SPEN: variants seen among roughly 807,000 people sequenced by gnomAD.
SPEN encodes spen family transcriptional repressor.
SPEN carries 18 observed loss-of-function variants against 269.9 expected under a neutral mutation model. The observed-to-expected ratio is 0.07, with a 90% CI of 0.05 to 0.10. SPEN has a LOEUF of 0.10. Ranked by LOEUF, SPEN falls within the 10% of genes least tolerant of loss-of-function variation. SPEN has a pLI of 1.00. For missense variants in SPEN, 3,822 were observed against 4,631.2 expected (o/e 0.83, Z 5.07); for synonymous variants, 1,726 against 1,765.7 (o/e 0.98, Z 0.56).
At position 15,936,062 on chromosome 1, in the gene SPEN, C is replaced by T. The variant is rs761021694; in HGVS notation, c.9822C>T (p.Pro3274=). 54 of 1,594,260 alleles carry T rather than the reference C, an allele frequency of 3.4e-5. No individual in the cohort carries two copies. In the East Asian group the frequency reaches 1.2e-3, roughly 35 times the overall value. Residue 3274 remains proline (P), a synonymous_variant, in exon 11 of 15, where the codon CCC becomes CCT. Transcript: ENST00000375759. ...AGGCCCGTATCCTCACAGTTACCCC[C>T]AGTAACCAACTCCAGGGGCTGCCTC... ...HGEARILTVT[P]SNQLQGLPLT... is the part of the protein sequence containing the mutation.
rs757755141 is a variant in SPEN, at chr1:15,938,843, G to T, written c.10830G>T (p.Gly3610=). The T allele has an allele frequency of 6.2e-7, 1 of 1,614,058 alleles. No homozygotes were observed. Among genetic ancestry groups the T allele is most frequent in the Non-Finnish European group, 8.5e-7 (1 of 1,180,016 alleles). The part of the protein sequence containing the change: ...ITYLQAKQAA[G]IINVPNPGSN... ...ACCTGCAGGCCAAGCAGGCGGCAGGGATCATCAACGTTCCCAACCCTGGCT... is the reference window on the plus strand; with the variant it reads ...ACCTGCAGGCCAAGCAGGCGGCAGGTATCATCAACGTTCCCAACCCTGGCT... The change falls in exon 14 of 15, where the codon GGG becomes GGT. Residue 3610 remains glycine, a synonymous_variant. Coordinates refer to ENST00000375759, the MANE Select transcript of SPEN (RefSeq NM_015001.3).
intron 3 of SPEN, among the ~76,000 whole-genome samples, chr1:15,890,525 C>T (rs912707312): frequency 1.3e-5 from 2 of 150,442 alleles, no homozygotes; most frequent in Admixed American, 6.6e-5. Context: ...CCACCGTGCC[C>T]GGCCTGGTTG....
chr1:15,894,986 G>A (rs1344225354), intron 3 of SPEN, among the ~76,000 whole-genome samples: 2 of 152,018 alleles, frequency 1.3e-5, no homozygotes, highest in Non-Finnish European at 2.9e-5. Flanking sequence ...GCAGTGGCGC[G>A]ATCTTGGCTC....
chr1:15,923,543 A>G (rs1049598468), intron 10 of SPEN, among the ~76,000 whole-genome samples: 24 of 152,244 alleles, frequency 1.6e-4, no homozygotes, highest in African/African-American at 5.8e-4. Context: ...GTGCTGCCAC[A>G]AGCCCTGTTG....
intron 3 of SPEN, among the ~76,000 whole-genome samples, chr1:15,900,595 A>C (rs942362007): frequency 1.3e-5 from 2 of 152,198 alleles, no homozygotes; most frequent in African/African-American, 4.8e-5. Context: ...TTCTTGAGGA[A>C]GTTTGATTTT....
chr1:15,890,315 T>C (rs1400746497), intron 3 of SPEN, among the ~76,000 whole-genome samples: 1 of 152,072 alleles, frequency 6.6e-6, no homozygotes, highest in African/African-American at 2.4e-5. Flanking sequence ...CACTGCAACC[T>C]CTGCCTCCCG....
chr1:15,914,019 T>G (rs1415500738), intron 5 of SPEN, among the ~76,000 whole-genome samples: 2 of 152,228 alleles, frequency 1.3e-5, no homozygotes, highest in Non-Finnish European at 2.9e-5. Flanking sequence ...TGAAATATTA[T>G]TAAATGTCTG....
rs760581019 is a variant in SPEN, at chr1:15,851,413, G to A, written c.83+3263G>A. Among the ~76,000 whole-genome samples, 16 of 152,256 alleles carry A rather than the reference G, an allele frequency of 1.1e-4. No homozygotes were observed. The East Asian group carries it at 3.1e-3, about 29-fold the overall frequency. On this transcript the variant is annotated intron_variant, in intron 1 of 14. Coordinates refer to ENST00000375759, the MANE Select transcript of SPEN (RefSeq NM_015001.3). ...AGATTCATTACAGGGACACAATAGA[G>A]AAAGTCCTTTCCTTTGTATGTTAGC...
intron 1 of SPEN, among the ~76,000 whole-genome samples, chr1:15,866,997 C>T (rs916369295): frequency 6.6e-6 from 1 of 152,150 alleles, no homozygotes; most frequent in Admixed American, 6.5e-5. Flanking sequence ...AGCTGTAACT[C>T]ATAAACCATA....
chr1:15,872,222 CAAAA>C (rs58028111), intron 1 of SPEN, among the ~76,000 whole-genome samples: 1 of 62,166 alleles, frequency 1.6e-5, no homozygotes, highest in African/African-American at 5.8e-5. Context: ...GACTCTGTCT[CAAAA>C]AAAAAAAAAA....
rs1215369183 is a variant in SPEN at position 15,904,452 on chromosome 1, C to CAAAAAAAAAAAAAAAAA, written c.882-4860_882-4844dup. Among the ~76,000 whole-genome samples the CAAAAAAAAAAAAAAAAA allele has an allele frequency of 2.2e-3, 106 of 48,612 alleles. 1 individual carries two copies. The highest frequency in any genetic ancestry group is 3.2e-3 in the Non-Finnish European group (77 of 23,732). The allele number at this position is 48,612 out of a possible 152,430, so 31.9% of individuals were successfully genotyped here. A position where few individuals can be genotyped will look rare whatever the true frequency, so the allele number is the denominator to read the frequency against. On this transcript the variant is annotated intron_variant, in intron 3 of 14. Coordinates refer to ENST00000375759, the MANE Select transcript of SPEN (RefSeq NM_015001.3). ...GGGCAATAAGAGCGAAACTCCATCT[C>CAAAAAAAAAAAAAAAAA]AAAAAAAAAAAAAAAAAAAAAAAAA...
chr1:15,918,829 A>G (rs1477512606), intron 6 of SPEN, 97 bp from the exon 7 acceptor site: 4 of 998,002 alleles, frequency 4.0e-6, no homozygotes, highest in Non-Finnish European at 4.4e-6. Context: ...GATTGAGAAC[A>G]TGACTTTTTT....
chr1:15,920,883 G>C lies in SPEN; in HGVS notation c.1649G>C (p.Arg550Pro). The change falls in exon 9 of 15, where the codon CGC becomes CCC. Residue 550 changes from arginine to proline, a missense_variant. Physicochemically the swap from Arg to Pro is moderately radical, Grantham distance 103. Around this residue, in one of 16 missense-constraint regions of SPEN, gnomAD observed 230 missense variants for 426.1 expected, o/e 0.54. Coordinates refer to ENST00000375759, the MANE Select transcript of SPEN (RefSeq NM_015001.3). ...YGPVVKVVFD[R>P]LKGMALVLYN... is the part of the protein sequence containing the mutation. ...TTTGTTTTACAGGTGGTGTTTGACCGCTTAAAAGGCATGGCCCTGGTTCTC... is the reference window on the plus strand; with the variant it reads ...TTTGTTTTACAGGTGGTGTTTGACCCCTTAAAAGGCATGGCCCTGGTTCTC... 6.2e-7 allele frequency: 1 copy of C among 1,606,872 alleles called. No homozygotes were observed. Among genetic ancestry groups the C allele is most frequent in the South Asian group, 1.1e-5 (1 of 90,188 alleles).
Position 15,931,455 on chromosome 1 carries a change from G to T in SPEN, c.5215G>T (p.Gly1739Trp). The T allele has an allele frequency of 6.2e-7, 1 of 1,614,066 alleles. No homozygotes were observed. Among genetic ancestry groups the T allele is most frequent in the Non-Finnish European group, 8.5e-7 (1 of 1,180,010 alleles). The change falls in exon 11 of 15, where the codon GGG becomes TGG. Residue 1739 changes from glycine (G) to tryptophan (W), a missense_variant. Around this residue, in one of 16 missense-constraint regions of SPEN, gnomAD observed 533 missense variants for 618.8 expected, o/e 0.86. Coordinates refer to ENST00000375759, the MANE Select transcript of SPEN (RefSeq NM_015001.3). The surrounding 1 kb of genome is among the most constrained non-coding windows in gnomAD (Gnocchi z 4.8). ...TCTGGATGCCAAGCCTCCAACTCCC[G>T]GGGCCTCGTTTTCCCAGGCAGAGAG... The part of the protein sequence containing the change: ...PYLDAKPPTP[G>W]ASFSQAESNV...
chr1:15,934,739 G>T lies in SPEN; in HGVS notation c.8499G>T (p.Lys2833Asn). ...AAGGCCCACAGCGGATCAGCGCCAAGATCAGCCAGATCCCCCCGGCCAGTG... is the reference window on the plus strand; with the variant it reads ...AAGGCCCACAGCGGATCAGCGCCAATATCAGCCAGATCCCCCCGGCCAGTG... ...KTEGPQRISA[K>N]ISQIPPASAM... Residue 2833 changes from lysine (K) to asparagine (N), a missense_variant, in exon 11 of 15, where the codon AAG becomes AAT. By Grantham distance (94) the Lys-to-Asn change is moderately conservative (BLOSUM62 0). Around this residue, in one of 16 missense-constraint regions of SPEN, gnomAD observed 329 missense variants for 431.2 expected, o/e 0.76. Transcript: ENST00000375759. This position sits in a 1 kb window ranked among gnomAD's most constrained non-coding sequence, Gnocchi z 9.2. 6.2e-7 allele frequency: 1 copy of T among 1,614,172 alleles called. No homozygotes were observed. The highest frequency in any genetic ancestry group is 8.5e-7 in the Non-Finnish European group (1 of 1,180,012).
At position 15,848,718 on chromosome 1, in the gene SPEN, A is replaced by G. The variant is rs2148698797; in HGVS notation, c.83+568A>G. On this transcript the variant is annotated intron_variant, in intron 1 of 14. Coordinates refer to ENST00000375759, the MANE Select transcript of SPEN (RefSeq NM_015001.3). This position sits in a 1 kb window ranked among gnomAD's most constrained non-coding sequence, Gnocchi z 5.1. ...AGACCATCTAGGACCTCTCCGGAGG[A>G]TTTGCAGCCTTGAAACTCACTGGGA... 6.6e-6 allele frequency among the ~76,000 whole-genome samples: 1 copy of G among 152,262 alleles called. No individual in the cohort carries two copies. Among genetic ancestry groups the G allele is most frequent in the South Asian group, 2.1e-4 (1 of 4,828 alleles).
intron 3 of SPEN, among the ~76,000 whole-genome samples, chr1:15,897,131 G>A (rs913553865): frequency 6.6e-6 from 1 of 152,148 alleles, no homozygotes; most frequent in Non-Finnish European, 1.5e-5. Context: ...TGTAGTTTCT[G>A]ATGACCGGAG....
At chr1:15,877,078 T>C (rs756302633) in intron 3 of SPEN, among the ~76,000 whole-genome samples, 1 of 152,236 alleles carries the variant, frequency 6.6e-6, no homozygotes, top group Admixed American at 6.5e-5. Context: ...GTTAAATATG[T>C]ATTGGTGAAA....
chr1:15,921,204 C>G (rs536588798), intron 9 of SPEN, among the ~76,000 whole-genome samples: 1 of 152,180 alleles, frequency 6.6e-6, no homozygotes, highest in Non-Finnish European at 1.5e-5. Flanking sequence ...TGGCGCGTGC[C>G]TGTTAATCCC....
Sources: allele counts gnomAD v4.1 joint callset (sites outside exome capture counted in the v4.1 genomes callset), GRCh38; gene constraint gnomAD v4.1.1; regional missense constraint gnomAD v4.1.1; non-coding constraint Gnocchi (gnomAD v3.1); transcripts MANE v1.5; gene names NCBI Gene and HGNC (gene_info 2026-07-23, HGNC 2026-07-21).